Variants in COPG1 observed in about 807,000 individuals in gnomAD.
COPG1 encodes coat protein complex I subunit gamma 1.
A neutral mutation model predicts 102.8 loss-of-function variants in COPG1; 29 were observed. The ratio of observed to expected loss-of-function variants is 0.28; its 90% CI spans 0.21 to 0.38. COPG1 has a LOEUF of 0.38. Ranked by LOEUF, COPG1 falls within the 10% of genes least tolerant of loss-of-function variation. The pLI, the probability that COPG1 is intolerant of heterozygous loss-of-function variation, is 1.00. For synonymous variants in COPG1, 406 were observed against 421.6 expected, an observed-to-expected ratio of 0.96 and a Z score of 0.45; for missense variants, 875 against 1,132.7, an observed-to-expected ratio of 0.77 and a Z score of 3.27.
At chr3:129,276,957 G>A (rs1940283585) in intron 23 of COPG1, among the ~76,000 whole-genome samples, 1 of 151,440 alleles carries the variant, frequency 6.6e-6, no homozygotes, top group African/African-American at 2.4e-5. Flanking sequence ...CCGAGTAGCT[G>A]GGATTACAGG....
At chr3:129,260,495 T>A in intron 11 of COPG1, 95 bp downstream of exon 11, 1 of 1,512,220 alleles carries the variant, frequency 6.6e-7, no homozygotes, top group African/African-American at 1.4e-5. Flanking sequence ...ATAGCCCTGG[T>A]CACAGTTAGT....
At position 129,271,712 on chromosome 3, in the gene COPG1, C is replaced by G; in HGVS notation, c.1844-55C>G. Reference sequence around the variant, plus strand: ...GTCATGGGAATTTATTAGAAACCATCAACAAGTTGGTCTGGGGATCGAGAA... The same window carrying G: ...GTCATGGGAATTTATTAGAAACCATGAACAAGTTGGTCTGGGGATCGAGAA... On this transcript the variant is annotated intron_variant, in intron 18 of 23. Coordinates refer to ENST00000314797, the MANE Select transcript of COPG1 (RefSeq NM_016128.4). This position sits in a 1 kb window ranked among gnomAD's most constrained non-coding sequence, Gnocchi z 4.7. 2 of 1,601,302 alleles carry G rather than the reference C, an allele frequency of 1.2e-6. No individual in the cohort carries two copies. Among genetic ancestry groups the G allele is most frequent in the Non-Finnish European group, 1.7e-6 (2 of 1,172,250 alleles).
intron 1 of COPG1, among the ~76,000 whole-genome samples, chr3:129,250,123 C>T: frequency 6.6e-6 from 1 of 152,210 alleles, no homozygotes; most frequent in Non-Finnish European, 1.5e-5. Flanking sequence ...GAGCCAGCGT[C>T]CTGTGACTGG....
intron 23 of COPG1, among the ~76,000 whole-genome samples, chr3:129,276,875 A>C (rs1940281164): frequency 7.2e-6 from 1 of 138,550 alleles, no homozygotes; most frequent in African/African-American, 2.9e-5. Flanking sequence ...CCAGGCTGGC[A>C]TGCAGTGGCA....
chr3:129,274,607 G>C (rs1940233106), intron 21 of COPG1, among the ~76,000 whole-genome samples: 1 of 152,228 alleles, frequency 6.6e-6, no homozygotes, highest in African/African-American at 2.4e-5. Context: ...TGAATTAGTA[G>C]ATTGGTACTT....
Position 129,275,051 on chromosome 3 carries a change from T to G in COPG1, c.2395+75T>G. On this transcript the variant is annotated intron_variant, in intron 22 of 23. Coordinates refer to ENST00000314797, the MANE Select transcript of COPG1 (RefSeq NM_016128.4). The surrounding 1 kb of genome is among the most constrained non-coding windows in gnomAD (Gnocchi z 5.0). Reference sequence around the variant, plus strand: ...TGGCTACTATTGAAGTGCTCATCCCTTTTCTCTCCAAGGATCCAGGGCCAT... The same window carrying G: ...TGGCTACTATTGAAGTGCTCATCCCGTTTCTCTCCAAGGATCCAGGGCCAT... 8 of 1,558,870 alleles carry G rather than the reference T, an allele frequency of 5.1e-6. No individual in the cohort carries two copies. Among genetic ancestry groups the G allele is most frequent in the Non-Finnish European group, 7.1e-6 (8 of 1,134,676 alleles).
rs749354777 is a variant in COPG1 at position 129,277,389 on chromosome 3, C to A, written c.2590C>A (p.Leu864Met). Residue 864 changes from leucine to methionine, a missense_variant, in exon 24 of 24, where the codon CTG (leucine) becomes ATG (methionine). By Grantham distance (15) the Leu-to-Met change is conservative. Coordinates refer to ENST00000314797, the MANE Select transcript of COPG1 (RefSeq NM_016128.4). ...MQVTARSLEELPVDIILASVG is the reference protein window; with the variant it reads ...MQVTARSLEEMPVDIILASVG ...GGTGACAGCCAGAAGTTTGGAGGAG[C>A]TGCCAGTAGACATCATCTTGGCATC... 11 of 1,614,008 alleles carry A rather than the reference C, an allele frequency of 6.8e-6. No individual in the cohort carries two copies. Among genetic ancestry groups the A allele is most frequent in the Non-Finnish European group, 9.3e-6 (11 of 1,179,974 alleles).
At position 129,275,289 on chromosome 3, in the gene COPG1, G is replaced by T. The variant is rs1481694317; in HGVS notation, c.2491G>T (p.Ala831Ser). The change falls in exon 23 of 24, where the codon GCT (alanine) becomes TCT (serine). Residue 831 changes from alanine (A) to serine (S), a missense_variant. Physicochemically the swap from Ala to Ser is moderately conservative, Grantham distance 99 (BLOSUM62 1). Coordinates refer to ENST00000314797, the MANE Select transcript of COPG1 (RefSeq NM_016128.4). This position sits in a 1 kb window ranked among gnomAD's most constrained non-coding sequence, Gnocchi z 5.0. ...CAAGAACACCCACACGTTGCTCCTG[G>T]CTGGTAAGTGGCATTTCTAGATGGG... ...DNKNTHTLLL[A>S]GVFRGGHDIL... 3.1e-6 allele frequency: 5 copies of T among 1,614,062 alleles called. No homozygotes were observed. The highest frequency in any genetic ancestry group is 8.5e-7 in the Non-Finnish European group (1 of 1,179,926).
chr3:129,263,395 G>A (rs57871655), intron 12 of COPG1, among the ~76,000 whole-genome samples: 3,631 of 152,248 alleles, frequency 0.024, 144 homozygotes, highest in African/African-American at 0.082. Flanking sequence ...AGTTGGAAAA[G>A]GCAGGTCTTA....
chr3:129,264,054 T>C, intron 13 of COPG1, 55 bp downstream of exon 13: 8 of 1,409,374 alleles, frequency 5.7e-6, no homozygotes, highest in Non-Finnish European at 8.0e-6. Context: ...GGGAGTGACC[T>C]GACCACTGGC....
intron 1 of COPG1, 62 bp downstream of exon 1, chr3:129,249,808 G>T: frequency 6.5e-7 from 1 of 1,530,360 alleles, no homozygotes; most frequent in South Asian, 1.2e-5. Context: ...CTTTCCTTCT[G>T]GTTCTCTGTC....
chr3:129,277,550 G>T lies in COPG1; in HGVS notation c.*126G>T. On this transcript the variant is annotated 3_prime_UTR_variant, in exon 24 of 24. Coordinates refer to ENST00000314797, the MANE Select transcript of COPG1 (RefSeq NM_016128.4). Reference sequence around the variant, plus strand: ...TGAAAAACAATTAGGAATCATTGCAGATTTTTTTTTATTCTGCTCCCACCT... The same window carrying T: ...TGAAAAACAATTAGGAATCATTGCATATTTTTTTTTATTCTGCTCCCACCT... 4 of 984,570 alleles carry T rather than the reference G, an allele frequency of 4.1e-6. No individual in the cohort carries two copies. Among genetic ancestry groups the T allele is most frequent in the African/African-American group, 1.7e-5 (1 of 60,146 alleles). 61.0% of individuals were successfully genotyped at this position (984,570 alleles called of 1,614,324 possible).
At chr3:129,254,260 C>G (rs1009973793) in intron 5 of COPG1, 1 of 159,880 alleles carries the variant, frequency 6.3e-6, no homozygotes, top group African/African-American at 2.4e-5. Context: ...CACCCCATTG[C>G]GCTCCAGCCT....
chr3:129,263,023 A>G (rs1939957075), intron 12 of COPG1, among the ~76,000 whole-genome samples: 1 of 144,540 alleles, frequency 6.9e-6, no homozygotes, highest in South Asian at 2.2e-4. Flanking sequence ...TCAAAAAAAA[A>G]AAAAAAAAAA....
chr3:129,252,290 T>C lies in COPG1; in HGVS notation c.100T>C (p.Phe34Leu). 2 of 1,608,774 alleles carry C rather than the reference T, an allele frequency of 1.2e-6. No individual in the cohort carries two copies. Among genetic ancestry groups the C allele is most frequent in the Non-Finnish European group, 1.7e-6 (2 of 1,175,222 alleles). Residue 34 changes from phenylalanine (F) to leucine (L), a missense_variant, in exon 3 of 24, where the codon TTT (phenylalanine) becomes CTT (leucine). Transcript: ENST00000314797. ...GGTCATTTCTTCTTAGGCCCGTGTA[T>C]TTAATGAAACTCCCATCAACCCTCG... ...KSAVLQEARV[F>L]NETPINPRKC...
rs778373687 is a variant in COPG1 at position 129,267,957 on chromosome 3, A to G, written c.1565A>G (p.Asn522Ser). The change falls in exon 16 of 24, where the codon AAT (asparagine) becomes AGT (serine). Residue 522 changes from asparagine (N) to serine (S), a missense_variant. Transcript: ENST00000314797. ...LLKRCVMDDD[N>S]EVRDRATFYL... is the part of the protein sequence containing the mutation. The stretch of plus-strand genomic sequence containing the variant: ...TGCAGGTGTGTGATGGATGATGACA[A>G]TGAAGTAAGGGACCGAGCCACCTTC... The G allele has an allele frequency of 3.1e-6, 5 of 1,613,910 alleles. No homozygotes were observed. Among genetic ancestry groups the G allele is most frequent in the Non-Finnish European group, 3.4e-6 (4 of 1,179,962 alleles).
chr3:129,257,775 G>T lies in COPG1; in HGVS notation c.786G>T (p.Lys262Asn). ...FDFIESCLRN[K>N]HEMVVYEAAS... is the part of the protein sequence containing the mutation. ...TCATCGAGAGCTGCTTGCGCAACAAGCACGAGATGGTGGTGTATGAAGCCG... is the reference window on the plus strand; with the variant it reads ...TCATCGAGAGCTGCTTGCGCAACAATCACGAGATGGTGGTGTATGAAGCCG... The change falls in exon 10 of 24, where the codon AAG becomes AAT. Residue 262 changes from lysine to asparagine, a missense_variant. Physicochemically the swap from Lys to Asn is moderately conservative, Grantham distance 94 (BLOSUM62 0). Transcript: ENST00000314797. 6.2e-7 allele frequency: 1 copy of T among 1,614,190 alleles called. No individual in the cohort carries two copies.
At chr3:129,268,885 C>T in intron 17 of COPG1, 47 bp from the exon 18 acceptor site, 3 of 1,537,634 alleles carry the variant, frequency 2.0e-6, no homozygotes, top group Non-Finnish European at 2.7e-6. Context: ...CCACACTGCC[C>T]CGTGACTCCA....
chr3:129,260,759 CATG>C lies in COPG1; in HGVS notation c.1082_1084del (p.Met361del). On this transcript the variant is annotated inframe_deletion, in exon 12 of 24. Coordinates refer to ENST00000314797, the MANE Select transcript of COPG1 (RefSeq NM_016128.4). ...GCAGCGAGAGCAGCATCGACCGCCT[CATG>C]AAGCAGATCTCCTCCTTCATGTCAG... 1 of 1,612,866 alleles carries C rather than the reference CATG, an allele frequency of 6.2e-7. No homozygotes were observed.
Sources: gnomAD v4.1 joint callset for allele counts (sites outside exome capture counted in the v4.1 genomes callset) on GRCh38, gnomAD v4.1.1 for gene constraint, Gnocchi (gnomAD v3.1) non-coding constraint, MANE v1.5 for transcripts, NCBI Gene and HGNC (gene_info 2026-07-23, HGNC 2026-07-21) for gene names.